CYRIB: variants seen among roughly 807,000 people sequenced by gnomAD.
CYRIB encodes CYFIP-related Rac1 interactor B.
A neutral mutation model predicts 44.2 loss-of-function variants in CYRIB; 8 were observed. That is an observed-to-expected ratio of 0.18 (90% CI 0.11 to 0.33). The LOEUF is 0.33. Ranked by LOEUF, CYRIB falls within the 10% of genes least tolerant of loss-of-function variation. The pLI, the probability that CYRIB is intolerant of heterozygous loss-of-function variation, is 1.00. For missense variants in CYRIB, 185 were observed against 382.8 expected (o/e 0.48, Z 4.31); for synonymous variants, 131 against 127.2 (o/e 1.03, Z -0.20).
chr8:129,850,899 T>C (rs202084035), exon 9 of CYRIB: 7 of 1,608,502 alleles, frequency 4.4e-6, no homozygotes, highest in South Asian at 1.1e-5. Context: ...GTATTTTCTA[T>C]TGGTAAATTT....
chr8:130,002,203 G>A (rs1267514933), intron 1 of CYRIB, among the ~76,000 whole-genome samples: 1 of 152,224 alleles, frequency 6.6e-6, no homozygotes, highest in Non-Finnish European at 1.5e-5. Context: ...GCTCACATCT[G>A]TAATTCCAGC....
exon 8 of CYRIB, chr8:129,852,185 C>T (rs775768769): frequency 1.3e-6 from 2 of 1,553,304 alleles, no homozygotes; most frequent in South Asian, 1.2e-5. Context: ...TTTGTTGTGG[C>T]ATCACTCAAG....
Position 129,981,409 on chromosome 8 carries a change from C to T in CYRIB, c.-295-10414G>A, listed in dbSNP as rs115570606. ...CAAAAGATCTGCCAACCTCAGCCGC[C>T]CGAAGCGCTGTGATTACAGGTGTGA... On this transcript the variant is annotated intron_variant, in intron 1 of 14. Transcript: ENST00000401979. 8.1e-3 allele frequency among the ~76,000 whole-genome samples: 1,227 copies of T among 152,284 alleles called. 10 individuals carry two copies. The highest frequency in any genetic ancestry group is 0.025 in the African/African-American group (1,021 of 41,558).
chr8:129,946,522 C>T (rs554729426), intron 2 of CYRIB, among the ~76,000 whole-genome samples: 15 of 152,232 alleles, frequency 9.9e-5, no homozygotes, highest in African/African-American at 3.1e-4. Flanking sequence ...GGGACAGAGG[C>T]CTGAGAATCC....
chr8:129,849,232 C>A lies in CYRIB; in HGVS notation c.840+11G>T, dbSNP rs73710951. The A allele has an allele frequency of 6.3e-6, 10 of 1,584,588 alleles. No homozygotes were observed. The highest frequency in any genetic ancestry group is 8.5e-6 in the Non-Finnish European group (10 of 1,170,588). On this transcript the variant is annotated intron_variant, in intron 10 of 11. Transcript: ENST00000519824. ...CTCGTTTGAAATTATTTATATAAAACAATAACTTACATCAATTTTGGAAGT... is the reference window on the plus strand; with the variant it reads ...CTCGTTTGAAATTATTTATATAAAAAAATAACTTACATCAATTTTGGAAGT...
intron 4 of CYRIB, among the ~76,000 whole-genome samples, chr8:129,863,542 A>C (rs2051250204): frequency 2.6e-5 from 4 of 151,992 alleles, no homozygotes; most frequent in Admixed American, 2.6e-4. Flanking sequence ...AAAAAAAGAA[A>C]ATACAAAAAA....
At chr8:129,943,435 A>G (rs1315410259), upstream of CYRIB, among the ~76,000 whole-genome samples, 1 of 151,218 alleles carries the variant, frequency 6.6e-6, no homozygotes, top group Non-Finnish European at 1.5e-5. Flanking sequence ...AAAAAAAAAA[A>G]GAAAGAAATT....
chr8:129,943,091 C>CCCCCCCCCCCCCCCCG (rs2093849004), upstream of CYRIB, among the ~76,000 whole-genome samples: 2 of 132,544 alleles, frequency 1.5e-5, no homozygotes, highest in African/African-American at 5.9e-5. Flanking sequence ...CGCCCACCCG[C>CCCCCCCCCCCCCCCCG]CCCCCCGCAC....
At chr8:129,889,216 T>C (rs2064060853) in intron 2 of CYRIB, among the ~76,000 whole-genome samples, 1 of 152,204 alleles carries the variant, frequency 6.6e-6, no homozygotes, top group African/African-American at 2.4e-5. Context: ...GTGTACTCAA[T>C]ATTCTAAGCC....
At chr8:129,859,937 C>G (rs867343035) in intron 5 of CYRIB, among the ~76,000 whole-genome samples, 1 of 152,200 alleles carries the variant, frequency 6.6e-6, no homozygotes, top group Non-Finnish European at 1.5e-5. Flanking sequence ...TAGTTAAACC[C>G]TGTCAGCAAA....
intron 1 of CYRIB, among the ~76,000 whole-genome samples, chr8:129,983,874 C>T (rs1343856818): frequency 6.6e-6 from 1 of 152,236 alleles, no homozygotes; most frequent in Non-Finnish European, 1.5e-5. Context: ...TAAAGCCGAT[C>T]TTCGCCGGGG....
intron 2 of CYRIB, among the ~76,000 whole-genome samples, chr8:129,963,491 T>G (rs2095355896): frequency 6.6e-6 from 1 of 152,180 alleles, no homozygotes. Context: ...ATAAGATAAC[T>G]GCTTTAATTA....
chr8:129,985,127 A>G (rs2096404340), intron 1 of CYRIB, among the ~76,000 whole-genome samples: 1 of 152,200 alleles, frequency 6.6e-6, no homozygotes, highest in Non-Finnish European at 1.5e-5. Flanking sequence ...GCCACTCAGT[A>G]GCTGGGTGAT....
rs967209381 is a variant in CYRIB, at chr8:129,971,646, A to G, written c.-295-651T>C. ...CCAGCGCTATCCATGGAGATTCAGT[A>G]TAAAGGATATTGGGACCCTTGGCTG... On this transcript the variant is annotated intron_variant, in intron 1 of 14. Transcript: ENST00000401979. 5.3e-5 allele frequency among the ~76,000 whole-genome samples: 8 copies of G among 152,188 alleles called. 1 individual carries two copies. The highest frequency in any genetic ancestry group is 4.6e-4 in the Admixed American group (7 of 15,282).
intron 1 of CYRIB, among the ~76,000 whole-genome samples, chr8:129,977,950 C>G (rs185915872): frequency 3.3e-5 from 5 of 152,168 alleles, no homozygotes; most frequent in African/African-American, 1.2e-4. Context: ...GCTCTGTCAC[C>G]TAGGCTGGAG....
intron 2 of CYRIB, among the ~76,000 whole-genome samples, chr8:129,952,603 A>C (rs2094565163): frequency 6.6e-6 from 1 of 152,100 alleles, no homozygotes; most frequent in Non-Finnish European, 1.5e-5. Flanking sequence ...TGTTTGTCCA[A>C]AAAGATGGCA....
At chr8:129,896,812 G>A (rs1004823849) in intron 2 of CYRIB, 10 of 152,092 alleles carry the variant, frequency 6.6e-5, no homozygotes, top group Admixed American at 5.9e-4. Context: ...TCTTCTCCTC[G>A]GAGATTTCAC....
chr8:129,972,074 A>T (rs971664136), intron 1 of CYRIB, among the ~76,000 whole-genome samples: 1 of 152,212 alleles, frequency 6.6e-6, no homozygotes, highest in African/African-American at 2.4e-5. Context: ...AAACTACCGG[A>T]AGCTACTTAA....
intron 2 of CYRIB, among the ~76,000 whole-genome samples, chr8:129,892,735 T>C (rs2066008267): frequency 6.6e-6 from 1 of 152,238 alleles, no homozygotes; most frequent in African/African-American, 2.4e-5. Context: ...GAAGTTCATG[T>C]GCAATATTCA....
Sources: gnomAD v4.1 joint callset for allele counts (sites outside exome capture counted in the v4.1 genomes callset) on GRCh38, gnomAD v4.1.1 for gene constraint, MANE v1.5 for transcripts, NCBI Gene and HGNC (gene_info 2026-07-23, HGNC 2026-07-21) for gene names.